Variants in EIF3I observed in about 807,000 individuals in gnomAD.
EIF3I encodes eukaryotic translation initiation factor 3 subunit I, also known as TGF-beta receptor-interacting protein 1.
A neutral mutation model predicts 43.3 loss-of-function variants in EIF3I; 20 were observed. That is an observed-to-expected ratio of 0.46 (90% confidence interval 0.32 to 0.67). EIF3I has a LOEUF of 0.67. EIF3I is among the 30% of genes least tolerant of loss of function. The pLI is 0.03. For missense variants in EIF3I, 279 were observed against 421.4 expected (o/e 0.66, Z 2.96); for synonymous variants, 167 against 151.7 (o/e 1.10, Z -0.74).
chr1:32,229,105 G>T (rs1475444092), intron 8 of EIF3I, 30 bp from the exon 9 acceptor site: 1 of 1,600,360 alleles, frequency 6.2e-7, no homozygotes, highest in Admixed American at 1.8e-5. Flanking sequence ...GTGTCCATTG[G>T]TCCCATCTAG....
chr1:32,234,819 A>G (rs1203239343), downstream of EIF3I: 2 of 152,320 alleles, frequency 1.3e-5, no homozygotes, highest in Non-Finnish European at 2.9e-5. Flanking sequence ...CTGTGCCTTC[A>G]GCCCCATGTA....
At chr1:32,227,364 T>C (rs895926262) in intron 6 of EIF3I, among the ~76,000 whole-genome samples, 2 of 151,916 alleles carry the variant, frequency 1.3e-5, no homozygotes, top group African/African-American at 2.4e-5. Context: ...ACTTTCTAGC[T>C]GTGTGATCTT....
chr1:32,225,705 C>A (rs1256282507), intron 4 of EIF3I, among the ~76,000 whole-genome samples: 1 of 150,050 alleles, frequency 6.7e-6, no homozygotes, highest in Non-Finnish European at 1.5e-5. Context: ...CAGCAGCCTG[C>A]AGGACAAGAG....
chr1:32,229,972 T>G (rs1484059260), intron 9 of EIF3I, among the ~76,000 whole-genome samples: 1 of 152,234 alleles, frequency 6.6e-6, no homozygotes, highest in Non-Finnish European at 1.5e-5. Flanking sequence ...CTTTAAGCAC[T>G]GCCCAGCACA....
chr1:32,225,892 G>A (rs1639136798), intron 4 of EIF3I, among the ~76,000 whole-genome samples: 1 of 151,828 alleles, frequency 6.6e-6, no homozygotes, highest in Admixed American at 6.6e-5. Context: ...ATGGTGGCAG[G>A]CGCCTGTAGT....
exon 5 of EIF3I, chr1:32,226,256 G>A (rs779406186): frequency 8.1e-6 from 13 of 1,613,946 alleles, no homozygotes; most frequent in South Asian, 7.7e-5. Context: ...TGTTCTCCAC[G>A]GACAAGCAGA....
intron 6 of EIF3I, among the ~76,000 whole-genome samples, chr1:32,227,434 G>A (rs1158444928): frequency 6.6e-6 from 1 of 152,024 alleles, no homozygotes; most frequent in Non-Finnish European, 1.5e-5. Context: ...AGGATCAAAT[G>A]ATATCACATG....
chr1:32,233,686 A>G (rs1180605955), downstream of EIF3I, among the ~76,000 whole-genome samples: 3 of 152,220 alleles, frequency 2.0e-5, no homozygotes, highest in Non-Finnish European at 4.4e-5. Flanking sequence ...TGAAACTGGA[A>G]TTTGAGCCCA....
At chr1:32,222,543 G>A (rs1196989445) in exon 2 of EIF3I, 1 of 1,614,168 alleles carries the variant, frequency 6.2e-7, no homozygotes, top group South Asian at 1.1e-5. Flanking sequence ...CACAGAAGCC[G>A]ATCCTACTGC....
At chr1:32,230,972 T>C (rs1448657368) in exon 11 of EIF3I, 4 of 1,601,186 alleles carry the variant, frequency 2.5e-6, no homozygotes, top group African/African-American at 2.7e-5. Context: ...GAGTCAAGGG[T>C]CACTTTGGAC....
At chr1:32,229,556 T>TCTCTATGTCCAAA (rs1181163635) in intron 9 of EIF3I, among the ~76,000 whole-genome samples, 1 of 132,100 alleles carries the variant, frequency 7.6e-6, no homozygotes, top group African/African-American at 2.9e-5. Flanking sequence ...CCTTTTTTTT[T>TCTCTATGTCCAAA]TTTTTTTTTT....
At chr1:32,226,679 G>A in intron 6 of EIF3I, 149 bp downstream of exon 6, 2 of 871,470 alleles carry the variant, frequency 2.3e-6, no homozygotes, top group Non-Finnish European at 3.1e-6. Flanking sequence ...CAATTCCCCT[G>A]CCTTAGCCTC....
At chr1:32,226,567 A>ATTT in intron 6 of EIF3I, 37 bp downstream of exon 6, 32 of 1,294,510 alleles carry the variant, frequency 2.5e-5, no homozygotes, top group South Asian at 1.1e-4. Context: ...TACCAGAATA[A>ATTT]TTTTTTTTTT....
In EIF3I at chr1:32,222,437, C is replaced by T. The variant is rs1306094040; in HGVS notation, c.-5C>T. On this transcript the variant is annotated 5_prime_UTR_variant, in exon 1 of 12. Transcript: ENST00000676679. ...CGTTGCGGCCTTCCTCGCGTCACAG[C>T]CGGGATGGTGAGTTTCAGAGTTAGG... The T allele has an allele frequency of 2.5e-6, 4 of 1,598,464 alleles. No individual in the cohort carries two copies. The African/African-American group carries it at 5.4e-5, about 21-fold the overall frequency.
chr1:32,225,876 C>T (rs955359395), intron 4 of EIF3I, among the ~76,000 whole-genome samples: 1 of 151,730 alleles, frequency 6.6e-6, no homozygotes, highest in Non-Finnish European at 1.5e-5. Context: ...AAAAAATTAG[C>T]GGGGCATGGT....
intron 10 of EIF3I, 52 bp from the exon 10 acceptor site, chr1:32,230,875 A>G: frequency 7.2e-7 from 1 of 1,394,860 alleles, no homozygotes; most frequent in Non-Finnish European, 9.9e-7. Context: ...CCACCTCCAA[A>G]GTGTTTTGGA....
intron 2 of EIF3I, among the ~76,000 whole-genome samples, chr1:32,223,120 C>T (rs1053494615): frequency 8.5e-5 from 13 of 152,126 alleles, no homozygotes; most frequent in African/African-American, 2.9e-4. Context: ...GGGATGCGAC[C>T]TTTAGGGATA....
chr1:32,230,926 G>T lies in EIF3I; in HGVS notation c.915-1G>T, dbSNP rs752422610. 2 of 1,591,828 alleles carry T rather than the reference G, an allele frequency of 1.3e-6. No individual in the cohort carries two copies. Among genetic ancestry groups the T allele is most frequent in the Non-Finnish European group, 8.5e-7 (1 of 1,174,320 alleles). ...AATTAATTGTGTCCCTTTTCCTCCA[G>T]GTTCTTCCATTTGGCCTTTGAAGAA... is the stretch of plus-strand genomic sequence containing the variant. On this transcript the variant is annotated splice_acceptor_variant, in intron 10 of 11. Coordinates refer to ENST00000676679, the Ensembl canonical transcript of EIF3I. LOFTEE classifies it high-confidence loss of function.
chr1:32,235,511 A>G (rs927468576), downstream of EIF3I, among the ~76,000 whole-genome samples: 2 of 152,042 alleles, frequency 1.3e-5, no homozygotes, highest in African/African-American at 2.4e-5. Flanking sequence ...TTGCATTGTT[A>G]GGTTTCACCA....
Sources: gnomAD v4.1 joint callset for allele counts (sites outside exome capture counted in the v4.1 genomes callset) on GRCh38, gnomAD v4.1.1 for gene constraint, MANE v1.5 for transcripts, NCBI Gene and HGNC (gene_info 2026-07-23, HGNC 2026-07-21) for gene names.